Variants in ZFAND6 observed in about 807,000 individuals in gnomAD.
ZFAND6 encodes zinc finger AN1-type containing 6, also known as AN1-type zinc finger protein 6.
In ZFAND6, 12 loss-of-function variants were observed where a neutral mutation model predicts 24.5. That is an observed-to-expected ratio of 0.49 (90% CI 0.31 to 0.79). The LOEUF (loss-of-function observed/expected upper bound fraction) is 0.79. ZFAND6 is among the 30% of genes least tolerant of loss of function. The pLI, the probability that ZFAND6 is intolerant of heterozygous loss-of-function variation, is 0.04. For synonymous variants in ZFAND6, 92 were observed against 81.5 expected, an observed-to-expected ratio of 1.13 and a Z score of -0.69; for missense variants, 207 against 245.9, an observed-to-expected ratio of 0.84 and a Z score of 1.06.
intron 5 of ZFAND6, among the ~76,000 whole-genome samples, chr15:80,123,954 C>G (rs1166397592): frequency 6.6e-6 from 1 of 152,106 alleles, no homozygotes; most frequent in African/African-American, 2.4e-5. Flanking sequence ...CCAGCAAATA[C>G]TTGAACCAGT....
In ZFAND6 at chr15:80,114,328, T is replaced by C. The variant is rs115741014; in HGVS notation, c.-17-6000T>C. ...GCTGCCGACCTGACTCCAAGCCCAT[T>C]CTGTTTACATACAGCATAGTTTCTA... is the stretch of plus-strand genomic sequence containing the variant. On this transcript the variant is annotated intron_variant, in intron 2 of 6. Coordinates refer to ENST00000261749, the MANE Select transcript of ZFAND6 (RefSeq NM_019006.4). Among the ~76,000 whole-genome samples the C allele has an allele frequency of 8.1e-3, 1,240 of 152,318 alleles. 16 individuals carry two copies. Among genetic ancestry groups the C allele is most frequent in the African/African-American group, 0.028 (1,174 of 41,568 alleles).
At chr15:80,099,614 T>C (rs1248197541) in intron 2 of ZFAND6, among the ~76,000 whole-genome samples, 1 of 128,246 alleles carries the variant, frequency 7.8e-6, no homozygotes, top group East Asian at 2.1e-4. Flanking sequence ...TGAATATGGA[T>C]ATCCTTTTTT....
In ZFAND6 at chr15:80,104,811, A is replaced by G. The variant is rs16971740; in HGVS notation, c.-18+6233A>G. 0.02 allele frequency among the ~76,000 whole-genome samples: 3,093 copies of G among 152,214 alleles called. 226 individuals carry two copies. The East Asian group carries it at 0.22, about 11-fold the overall frequency. On this transcript the variant is annotated intron_variant, in intron 2 of 6. Transcript: ENST00000261749. Reference sequence around the variant, plus strand: ...ATGGGCATACATTTTATTTATTGACAGTATTTCTAACTTATTTTTTTTTAA... The same window carrying G: ...ATGGGCATACATTTTATTTATTGACGGTATTTCTAACTTATTTTTTTTTAA...
chr15:80,064,449 T>C (rs1450130998), intron 1 of ZFAND6, among the ~76,000 whole-genome samples: 1 of 152,190 alleles, frequency 6.6e-6, no homozygotes. Context: ...TAAACCTGGA[T>C]ATTGGACATC....
rs534106096 is a variant in ZFAND6, at chr15:80,133,966, G to T, written c.478+2673G>T. Among the ~76,000 whole-genome samples the T allele has an allele frequency of 7.9e-5, 12 of 151,422 alleles. No homozygotes were observed. In the East Asian group the frequency reaches 2.3e-3, roughly 29 times the overall value. On this transcript the variant is annotated intron_variant, in intron 6 of 6. Coordinates refer to ENST00000261749, the MANE Select transcript of ZFAND6 (RefSeq NM_019006.4). The stretch of plus-strand genomic sequence containing the variant: ...ATCAGAAAGTATCTTGCTAGTAAGG[G>T]ACTGCCTTTTAAAGTTGTTGGGTTT...
chr15:80,126,690 T>TA (rs1173278736), intron 5 of ZFAND6, among the ~76,000 whole-genome samples: 3 of 152,210 alleles, frequency 2.0e-5, no homozygotes, highest in African/African-American at 7.2e-5. Flanking sequence ...ATAAAACTCT[T>TA]AAAGCAGGTA....
intron 1 of ZFAND6, chr15:80,073,132 T>C (rs932701168): frequency 2.4e-5 from 4 of 169,934 alleles, no homozygotes; most frequent in Non-Finnish European, 3.9e-5. Context: ...TTTCAGTATA[T>C]TTTAATTTAA....
chr15:80,064,159 A>G (rs574373976), intron 1 of ZFAND6, among the ~76,000 whole-genome samples: 4 of 152,350 alleles, frequency 2.6e-5, no homozygotes, highest in East Asian at 1.9e-4. Context: ...AGCTACTACT[A>G]TGTATTTGTC....
intron 2 of ZFAND6, among the ~76,000 whole-genome samples, chr15:80,098,947 A>T (rs2038884661): frequency 6.6e-6 from 1 of 151,986 alleles, no homozygotes; most frequent in Admixed American, 6.6e-5. Context: ...AAACAACCAT[A>T]AAAAAATTAC....
rs1471559650 is a variant in ZFAND6, at chr15:80,137,597, T to C, written c.596T>C (p.Val199Ala). The C allele has an allele frequency of 6.2e-7, 1 of 1,600,122 alleles. No homozygotes were observed. The highest frequency in any genetic ancestry group is 8.5e-7 in the Non-Finnish European group (1 of 1,176,002). Residue 199 changes from valine to alanine, a missense_variant, in exon 7 of 7, where the codon GTA becomes GCA. By Grantham distance (64) the Val-to-Ala change is moderately conservative (BLOSUM62 0). Transcript: ENST00000261749. ...AAEKIRKENP[V>A]VVGEKIQKI ...GAGAAAATCAGAAAAGAAAATCCAG[T>C]AGTTGTTGGTGAAAAGATCCAAAAG...
chr15:80,134,049 G>T (rs12324328), intron 6 of ZFAND6, among the ~76,000 whole-genome samples: 2 of 150,510 alleles, frequency 1.3e-5, no homozygotes, highest in African/African-American at 4.9e-5. Context: ...GTGCAGTGGC[G>T]CACTCTCCAC....
intron 2 of ZFAND6, 81 bp downstream of exon 2, chr15:80,098,659 A>G (rs556728931): frequency 6.6e-6 from 1 of 152,216 alleles, no homozygotes; most frequent in East Asian, 1.9e-4. Context: ...ATGCTTGAAG[A>G]TAGACCTAAG....
intron 1 of ZFAND6, among the ~76,000 whole-genome samples, chr15:80,093,280 T>A (rs116082279): frequency 0.012 from 1,816 of 152,146 alleles, 31 homozygotes; most frequent in African/African-American, 0.041. Context: ...TTTCTTTTTT[T>A]TAAATATACA....
intron 1 of ZFAND6, among the ~76,000 whole-genome samples, chr15:80,068,106 C>T (rs960321640): frequency 2.7e-5 from 4 of 150,854 alleles, no homozygotes; most frequent in African/African-American, 7.3e-5. Context: ...GGACTACAGG[C>T]GAGCACCACC....
chr15:80,083,192 C>A (rs750781789), intron 1 of ZFAND6, among the ~76,000 whole-genome samples: 1 of 152,054 alleles, frequency 6.6e-6, no homozygotes, highest in Non-Finnish European at 1.5e-5. Context: ...GGGGTTTCAC[C>A]GTGTTAGCTG....
chr15:80,125,115 G>A (rs1180231613), intron 5 of ZFAND6, among the ~76,000 whole-genome samples: 2 of 152,150 alleles, frequency 1.3e-5, no homozygotes, highest in Non-Finnish European at 2.9e-5. Flanking sequence ...CTTTGAGTCA[G>A]TCATATGGTC....
chr15:80,114,695 C>T (rs2039785385), intron 2 of ZFAND6, among the ~76,000 whole-genome samples: 1 of 152,118 alleles, frequency 6.6e-6, no homozygotes. Context: ...GTTTATGTTG[C>T]CATCATTACT....
At position 80,131,251 on chromosome 15, in the gene ZFAND6, A is replaced by G; in HGVS notation, c.436A>G (p.Lys146Glu). 6.2e-7 allele frequency: 1 copy of G among 1,613,140 alleles called. No homozygotes were observed. The highest frequency in any genetic ancestry group is 1.1e-5 in the South Asian group (1 of 90,966). Reference protein sequence around the residue: ...SKSLEKPKQKKNRCFMCRKKV... With the variant: ...SKSLEKPKQKENRCFMCRKKV... ...GTCTCTTGAAAAACCGAAACAAAAA[A>G]AGAATCGCTGTTTCATGTGCAGGAA... The change falls in exon 6 of 7, where the codon AAG becomes GAG. Residue 146 changes from lysine (K) to glutamate (E), a missense_variant. Physicochemically the swap from Lys to Glu is moderately conservative, Grantham distance 56. Coordinates refer to ENST00000261749, the MANE Select transcript of ZFAND6 (RefSeq NM_019006.4).
intron 2 of ZFAND6, among the ~76,000 whole-genome samples, chr15:80,104,303 T>G (rs2039198013): frequency 6.6e-6 from 1 of 152,132 alleles, no homozygotes; most frequent in Non-Finnish European, 1.5e-5. Flanking sequence ...AAGTGGATCA[T>G]TTGAGGTCAG....
Sources: allele counts gnomAD v4.1 joint callset (sites outside exome capture counted in the v4.1 genomes callset), GRCh38; gene constraint gnomAD v4.1.1; transcripts MANE v1.5; gene names NCBI Gene and HGNC (gene_info 2026-07-23, HGNC 2026-07-21).